The following TMEM68 variants were observed in gnomAD, a reference collection of about 807,000 sequenced individuals.
TMEM68 encodes DGAT1/2-independent enzyme synthesizing storage lipids.
TMEM68 carries 25 observed loss-of-function variants against 36.9 expected under a neutral mutation model. The ratio of observed to expected loss-of-function variants is 0.68; its 90% CI spans 0.49 to 0.95. TMEM68 has a LOEUF of 0.95. Ranked by LOEUF, TMEM68 falls within the 40% of genes least tolerant of loss-of-function variation. The pLI is 0.00. For missense variants in TMEM68, 333 were observed against 392.0 expected (o/e 0.85, Z 1.27); for synonymous variants, 131 against 124.4 (o/e 1.05, Z -0.35).
intron 4 of TMEM68, chr8:55,751,557 G>A (rs1351530495): frequency 1.8e-5 from 8 of 440,094 alleles, no homozygotes; most frequent in Non-Finnish European, 2.7e-5. Context: ...CTATAAAAAA[G>A]AGAATCACTC....
At chr8:55,750,771 C>G (rs994332217) in intron 5 of TMEM68, 193 bp downstream of exon 5, 19 of 514,368 alleles carry the variant, frequency 3.7e-5, no homozygotes, top group South Asian at 2.9e-4. Flanking sequence ...AACTCCTGAC[C>G]TCATGATACA....
Position 55,743,576 on chromosome 8 carries a change from G to A in TMEM68, c.793C>T (p.Pro265Ser), listed in dbSNP as rs1319501427. 1 of 1,535,688 alleles carries A rather than the reference G, an allele frequency of 6.5e-7. No homozygotes were observed. Among genetic ancestry groups the A allele is most frequent in the African/African-American group, 1.4e-5 (1 of 73,108 alleles). The stretch of plus-strand genomic sequence containing the variant: ...TTCACTGGAAAACCTCCATACATTG[G>A]AGCAAATGGATAGCGGAATTTTTCA... Reference protein sequence around the residue: ...LYEKFRYPFAPMYGGFPVKLR... With the variant: ...LYEKFRYPFASMYGGFPVKLR... The change falls in exon 7 of 8, where the codon CCA (proline) becomes TCA (serine). Residue 265 changes from proline to serine, a missense_variant. Coordinates refer to ENST00000434581, the MANE Select transcript of TMEM68 (RefSeq NM_001286657.2).
intron 4 of TMEM68, among the ~76,000 whole-genome samples, chr8:55,752,161 T>C (rs1810441202): frequency 1.3e-5 from 2 of 151,664 alleles, no homozygotes; most frequent in African/African-American, 2.4e-5. Flanking sequence ...TGAGCCAAAA[T>C]TGTGTCACTG....
At chr8:55,750,867 A>G (rs1345753575) in intron 5 of TMEM68, 97 bp downstream of exon 5, 2 of 1,254,824 alleles carry the variant, frequency 1.6e-6, no homozygotes, top group South Asian at 1.4e-5. Context: ...TATTGCAGCG[A>G]AAGTGTCTAA....
rs541099367 is a variant in TMEM68, at chr8:55,747,140, G to A, written c.688-2019C>T. 2.0e-5 allele frequency: 3 copies of A among 152,328 alleles called. No individual in the cohort carries two copies. The East Asian group carries it at 5.8e-4, about 29-fold the overall frequency. The allele number at this position is 152,328 out of a possible 1,614,324, so 9.4% of individuals were successfully genotyped here. On this transcript the variant is annotated intron_variant, in intron 5 of 7. Transcript: ENST00000434581. ...GCACTTTGGGAGGCCAAGGCAGGTG[G>A]ATCACTTGAGGTCAGGAGTTCAAGA...
chr8:55,756,273 A>AG lies in TMEM68; in HGVS notation c.463_464insC (p.Val155AlafsTer3), dbSNP rs1198471643. 6.2e-7 allele frequency: 1 copy of AG among 1,603,396 alleles called. No homozygotes were observed. Among genetic ancestry groups the AG allele is most frequent in the Non-Finnish European group, 8.5e-7 (1 of 1,177,466 alleles). On this transcript the variant is annotated frameshift_variant, in exon 4 of 8. Transcript: ENST00000434581. LOFTEE classifies it high-confidence loss of function. The stretch of plus-strand genomic sequence containing the variant: ...AATTTTAAAGACAAAGTGATCAGCT[A>AG]CTACTCGGCAAGTTCTGCCTTTGTG...
At chr8:55,754,466 TACAC>T (rs71256558) in intron 4 of TMEM68, among the ~76,000 whole-genome samples, 20,381 of 118,252 alleles carry the variant, frequency 0.17, 1,936 homozygotes, top group East Asian at 0.25. Context: ...TATATATATA[TACAC>T]ACACACACAC....
At chr8:55,759,586 A>G (rs1367310216) in intron 3 of TMEM68, among the ~76,000 whole-genome samples, 1 of 151,934 alleles carries the variant, frequency 6.6e-6, no homozygotes, top group Non-Finnish European at 1.5e-5. Context: ...ATAAATAAAT[A>G]AATATAAATA....
At chr8:55,759,793 A>C (rs1336214222) in intron 3 of TMEM68, among the ~76,000 whole-genome samples, 1 of 152,198 alleles carries the variant, frequency 6.6e-6, no homozygotes, top group Non-Finnish European at 1.5e-5. Flanking sequence ...TGAAAAAAAC[A>C]AACATGATTT....
chr8:55,748,659 C>G (rs1810351496), intron 5 of TMEM68, among the ~76,000 whole-genome samples: 1 of 152,006 alleles, frequency 6.6e-6, no homozygotes, highest in South Asian at 2.1e-4. Flanking sequence ...CAAGCTGGAA[C>G]ACAATGGTGC....
Position 55,762,892 on chromosome 8 carries a change from T to C in TMEM68, c.68A>G (p.His23Arg). 1 of 1,614,146 alleles carries C rather than the reference T, an allele frequency of 6.2e-7. No individual in the cohort carries two copies. The highest frequency in any genetic ancestry group is 1.1e-5 in the South Asian group (1 of 91,058). Reference protein sequence around the residue: ...DSVPYMICLIHILEEWFGVEQ... With the variant: ...DSVPYMICLIRILEEWFGVEQ... ...CACACCAAACCATTCTTCGAGTATG[T>C]GAATCAGACAAATCATATAGGGCAC... Residue 23 changes from histidine (H) to arginine (R), a missense_variant, in exon 3 of 8, where the codon CAC (histidine) becomes CGC (arginine). Physicochemically the swap from His to Arg is conservative, Grantham distance 29. Coordinates refer to ENST00000434581, the MANE Select transcript of TMEM68 (RefSeq NM_001286657.2).
chr8:55,741,451 T>C (rs56280373), intron 7 of TMEM68, among the ~76,000 whole-genome samples: 24,603 of 152,198 alleles, frequency 0.16, 2,404 homozygotes, highest in East Asian at 0.3. Flanking sequence ...CTTTGGAAAT[T>C]ATAATATTAG....
Position 55,756,373 on chromosome 8 carries a change from C to T in TMEM68, c.364G>A (p.Gly122Arg). Residue 122 changes from glycine (G) to arginine (R), a missense_variant, in exon 4 of 8, where the codon GGA becomes AGA. Gly to Arg is a moderately radical substitution (Grantham distance 125). Transcript: ENST00000434581. ...TGATAAAAAATTATAAGTGCTGGTC[C>T]ATCTTCTGGTATTTTTTCCATTCCA... ...VHGMEKIPED[G>R]PALIIFYHGA... is the part of the protein sequence containing the mutation. 1 of 1,587,568 alleles carries T rather than the reference C, an allele frequency of 6.3e-7. No individual in the cohort carries two copies. Among genetic ancestry groups the T allele is most frequent in the Non-Finnish European group, 8.5e-7 (1 of 1,171,620 alleles).
At chr8:55,754,731 C>CATACTTATATATATATTATATATAAA (rs1810536500) in intron 4 of TMEM68, among the ~76,000 whole-genome samples, 2 of 120,390 alleles carry the variant, frequency 1.7e-5, no homozygotes, top group South Asian at 4.6e-4. Context: ...ATATAAAATA[C>CATACTTATATATATATTATATATAAA]ATACTTATAT....
intron 7 of TMEM68, among the ~76,000 whole-genome samples, chr8:55,742,623 T>C (rs983088187): frequency 6.6e-6 from 1 of 152,160 alleles, no homozygotes; most frequent in East Asian, 1.9e-4. Context: ...CACTGTAACC[T>C]TGACCTCCTG....
chr8:55,768,172 A>G (rs1811033536), intron 1 of TMEM68, among the ~76,000 whole-genome samples: 1 of 152,012 alleles, frequency 6.6e-6, no homozygotes, highest in Admixed American at 6.6e-5. Flanking sequence ...ATAATTGATC[A>G]CTGGATTTTA....
intron 4 of TMEM68, among the ~76,000 whole-genome samples, chr8:55,753,180 C>T (rs975662597): frequency 7.2e-5 from 11 of 151,808 alleles, no homozygotes; most frequent in Admixed American, 6.6e-5. Context: ...AAGGCAAATG[C>T]TAAAAATATT....
At chr8:55,752,083 C>G (rs1404860596) in intron 4 of TMEM68, among the ~76,000 whole-genome samples, 1 of 151,960 alleles carries the variant, frequency 6.6e-6, no homozygotes, top group African/African-American at 2.4e-5. Flanking sequence ...GTGGCACGTG[C>G]CTGTAATCCA....
chr8:55,739,973 T>C lies in TMEM68; in HGVS notation c.*159A>G. ...ATTTGACACAATTGCAAAAACAAAA[T>C]TGACTATTTTAAAGAAACGAATTCT... On this transcript the variant is annotated 3_prime_UTR_variant, in exon 8 of 8. Coordinates refer to ENST00000434581, the MANE Select transcript of TMEM68 (RefSeq NM_001286657.2). 3.6e-6 allele frequency: 2 copies of C among 548,728 alleles called. No homozygotes were observed. The highest frequency in any genetic ancestry group is 6.0e-5 in the South Asian group (2 of 33,456). The allele number at this position is 548,728 out of a possible 1,614,324, so 34.0% of individuals were successfully genotyped here. A position where few individuals can be genotyped will look rare whatever the true frequency, so the allele number is the denominator to read the frequency against.
Sources: allele counts gnomAD v4.1 joint callset (sites outside exome capture counted in the v4.1 genomes callset), GRCh38; gene constraint gnomAD v4.1.1; transcripts MANE v1.5; gene names NCBI Gene and HGNC (gene_info 2026-07-23, HGNC 2026-07-21).